Variants in CSNK1A1 observed in about 807,000 individuals in gnomAD.
CSNK1A1 encodes casein kinase I isoform alpha.
In CSNK1A1, 7 loss-of-function variants were observed where a neutral mutation model predicts 46.1. That is an observed-to-expected ratio of 0.15 (90% CI 0.09 to 0.29). CSNK1A1 has a LOEUF of 0.29. Among genes scored for constraint, CSNK1A1 ranks in the 10% least tolerant of loss-of-function variants. The pLI, the probability that CSNK1A1 is intolerant of heterozygous loss-of-function variation, is 1.00. For missense variants in CSNK1A1, 96 were observed against 417.1 expected (o/e 0.23, Z 6.71); for synonymous variants, 137 against 141.5 (o/e 0.97, Z 0.23).
At chr5:149,504,280 T>C in intron 9 of CSNK1A1, 1 of 983,516 alleles carries the variant, frequency 1.0e-6, no homozygotes, top group Non-Finnish European at 1.2e-6. Flanking sequence ...TCCTAACAGA[T>C]GAGCTGCTGG....
At position 149,551,132 on chromosome 5, in the gene CSNK1A1, A is replaced by C; in HGVS notation, c.-168T>G. On this transcript the variant is annotated 5_prime_UTR_variant, in exon 1 of 10. Transcript: ENST00000377843. ...CCCAGAATCAGCAGAGGGGAACCTG[A>C]TCACCGCCGCTCAGTCAGGTTTCTT... 1.6e-6 allele frequency: 1 copy of C among 613,830 alleles called. No homozygotes were observed. The highest frequency in any genetic ancestry group is 2.8e-6 in the Non-Finnish European group (1 of 361,016). 38.0% of individuals were successfully genotyped at this position (613,830 alleles called of 1,614,324 possible).
intron 4 of CSNK1A1, among the ~76,000 whole-genome samples, chr5:149,518,805 G>C (rs968128534): frequency 1.3e-5 from 2 of 151,860 alleles, no homozygotes; most frequent in South Asian, 2.1e-4. Context: ...TTGTGGGGGA[G>C]GGGGGGAAGG....
intron 2 of CSNK1A1, among the ~76,000 whole-genome samples, chr5:149,549,789 C>G (rs939715956): frequency 6.6e-6 from 1 of 152,174 alleles, no homozygotes; most frequent in Non-Finnish European, 1.5e-5. Flanking sequence ...CCAACCCTTC[C>G]GCGTAGGGAT....
rs1761443013 is a variant in CSNK1A1 at position 149,517,681 on chromosome 5, C to G, written c.456+2609G>C. ...AATGCCAACGTAAGAGGTGCTTGAG[C>G]AAGATCTACATTCTCCAGAATTAAA... On this transcript the variant is annotated intron_variant, in intron 4 of 9. Coordinates refer to ENST00000377843, the MANE Select transcript of CSNK1A1 (RefSeq NM_001892.6). This position sits in a 1 kb window ranked among gnomAD's most constrained non-coding sequence, Gnocchi z 4.4. 3.0e-6 allele frequency: 2 copies of G among 671,560 alleles called. No homozygotes were observed. The highest frequency in any genetic ancestry group is 5.2e-6 in the Non-Finnish European group (2 of 386,822). 41.6% of individuals were successfully genotyped at this position (671,560 alleles called of 1,614,324 possible). A position where few individuals can be genotyped will look rare whatever the true frequency, so the allele number is the denominator to read the frequency against.
chr5:149,500,313 A>G (rs1240299405), intron 9 of CSNK1A1, among the ~76,000 whole-genome samples: 1 of 151,482 alleles, frequency 6.6e-6, no homozygotes, highest in Admixed American at 6.6e-5. Context: ...AATTTTTTGT[A>G]TTTTTAGTAC....
At position 149,550,770 on chromosome 5, in the gene CSNK1A1, G is replaced by C. The variant is rs190223647; in HGVS notation, c.123+72C>G. On this transcript the variant is annotated intron_variant, in intron 1 of 9. Coordinates refer to ENST00000377843, the MANE Select transcript of CSNK1A1 (RefSeq NM_001892.6). This position sits in a 1 kb window ranked among gnomAD's most constrained non-coding sequence, Gnocchi z 4.3. ...GATGAGGAGAGGCCCGAGCACTTTG[G>C]GGGTGCACGGTGGTGGTGGGGGGAA... 2.8e-4 allele frequency: 445 copies of C among 1,602,334 alleles called. 1 individual carries two copies. Among genetic ancestry groups the C allele is most frequent in the Middle Eastern group, 1.3e-3 (8 of 6,000 alleles).
intron 2 of CSNK1A1, among the ~76,000 whole-genome samples, chr5:149,544,762 T>TACACATAC (rs1175762738): frequency 7.1e-6 from 1 of 140,566 alleles, no homozygotes; most frequent in African/African-American, 2.7e-5. Context: ...TATATATATA[T>TACACATAC]ATAGTTATTG....
At position 149,513,183 on chromosome 5, in the gene CSNK1A1, G is replaced by A. The variant is rs1472114141; in HGVS notation, c.483C>T (p.Ala161=). 6.2e-7 allele frequency: 1 copy of A among 1,613,382 alleles called. No individual in the cohort carries two copies. The highest frequency in any genetic ancestry group is 1.7e-5 in the Admixed American group (1 of 59,900). Residue 161 remains alanine, a synonymous_variant, in exon 5 of 10, where the codon GCC becomes GCT. Coordinates refer to ENST00000377843, the MANE Select transcript of CSNK1A1 (RefSeq NM_001892.6). ...NKLFLIDFGL[A]KKYRDNRTRQ... ...TTGTCCTGTTGTCTCTGTACTTTTT[G>A]GCCAAACCAAAATCAATAAGGAATA...
intron 2 of CSNK1A1, among the ~76,000 whole-genome samples, chr5:149,536,326 A>G (rs1762062203): frequency 6.6e-6 from 1 of 152,190 alleles, no homozygotes; most frequent in South Asian, 2.1e-4. Context: ...TTCTGTATGA[A>G]GATACTAAGA....
chr5:149,501,116 T>C (rs1455156542), intron 9 of CSNK1A1: 1 of 985,334 alleles, frequency 1.0e-6, no homozygotes, highest in East Asian at 1.1e-4. Context: ...ACAGTTGTGC[T>C]ATCATCCAGA....
At chr5:149,526,721 T>A (rs1761734993) in intron 2 of CSNK1A1, among the ~76,000 whole-genome samples, 1 of 152,184 alleles carries the variant, frequency 6.6e-6, no homozygotes, top group African/African-American at 2.4e-5. Flanking sequence ...TGGGCACCCA[T>A]TAACCCTTGA....
In CSNK1A1 at chr5:149,515,708, T is replaced by C. The variant is rs1472605701; in HGVS notation, c.457-2499A>G. Reference sequence around the variant, plus strand: ...CAAGCTTCTTTAGTAGCTCTCTCTGTATGCTTTGCTGTTTAAAACTAATAA... The same window carrying C: ...CAAGCTTCTTTAGTAGCTCTCTCTGCATGCTTTGCTGTTTAAAACTAATAA... On this transcript the variant is annotated intron_variant, in intron 4 of 9. Transcript: ENST00000377843. Among the ~76,000 whole-genome samples the C allele has an allele frequency of 1.3e-5, 2 of 152,216 alleles. 1 individual carries two copies. The highest frequency in any genetic ancestry group is 4.8e-5 in the African/African-American group (2 of 41,456).
intron 9 of CSNK1A1, chr5:149,503,357 G>C: frequency 1.0e-6 from 1 of 985,370 alleles, no homozygotes; most frequent in Non-Finnish European, 1.2e-6. Context: ...TATTAAAAAA[G>C]AAAAACAGAT....
chr5:149,497,138 G>T, intron 9 of CSNK1A1: 2 of 1,165,972 alleles, frequency 1.7e-6, no homozygotes, highest in Non-Finnish European at 1.1e-6. Flanking sequence ...ATTCAAATGA[G>T]CATGTTTCTG....
In CSNK1A1 at chr5:149,504,623, C is replaced by T. The variant is rs963815260; in HGVS notation, c.1006+824G>A. The T allele has an allele frequency of 4.1e-6, 4 of 985,158 alleles. No homozygotes were observed. In the African/African-American group the frequency reaches 7.0e-5, roughly 17 times the overall value. The allele number at this position is 985,158 out of a possible 1,614,324, so 61.0% of individuals were successfully genotyped here. A position where few individuals can be genotyped will look rare whatever the true frequency, so the allele number is the denominator to read the frequency against. Reference sequence around the variant, plus strand: ...TACTCCTTACAGGCAGTAAGAGTGCCAAAGAAAAGTAGAAAGGAAATAAGA... The same window carrying T: ...TACTCCTTACAGGCAGTAAGAGTGCTAAAGAAAAGTAGAAAGGAAATAAGA... On this transcript the variant is annotated intron_variant, in intron 9 of 9. Transcript: ENST00000377843.
In CSNK1A1 at chr5:149,529,858, T is replaced by C. The variant is rs1228980472; in HGVS notation, c.231-4687A>G. 1.5e-5 allele frequency: 6 copies of C among 395,504 alleles called. No homozygotes were observed. The East Asian group carries it at 4.8e-4, about 32-fold the overall frequency. 24.5% of individuals were successfully genotyped at this position (395,504 alleles called of 1,614,324 possible). On this transcript the variant is annotated intron_variant, in intron 2 of 9. Transcript: ENST00000377843. ...GAATGACAATGACATGGTTACCAAT[T>C]AGGAAGTGTTATACTATAGCCGGAG...
chr5:149,551,001 G>A lies in CSNK1A1; in HGVS notation c.-37C>T. 3 of 1,612,444 alleles carry A rather than the reference G, an allele frequency of 1.9e-6. No homozygotes were observed. Among genetic ancestry groups the A allele is most frequent in the East Asian group, 2.2e-5 (1 of 44,844 alleles). The stretch of plus-strand genomic sequence containing the variant: ...AAGATGGAGGCTGGGGCCAAGCCCC[G>A]ACACCTCTGGGAAGAGGACGGAGGC... On this transcript the variant is annotated 5_prime_UTR_variant, in exon 1 of 10. Transcript: ENST00000377843.
Position 149,527,926 on chromosome 5 carries a change from A to G in CSNK1A1, c.231-2755T>C, listed in dbSNP as rs547661252. On this transcript the variant is annotated intron_variant, in intron 2 of 9. Transcript: ENST00000377843. ...AGACAGGTTTCCACTGATGGCTCAG[A>G]TGTAAAACTACAAAAAACAAGCAAA... is the stretch of plus-strand genomic sequence containing the variant. Among the ~76,000 whole-genome samples the G allele has an allele frequency of 4.0e-3, 605 of 152,352 alleles. 5 individuals carry two copies. The highest frequency in any genetic ancestry group is 0.014 in the African/African-American group (586 of 41,588).
At chr5:149,509,201 T>C (rs975730013) in intron 7 of CSNK1A1, among the ~76,000 whole-genome samples, 4 of 150,084 alleles carry the variant, frequency 2.7e-5, no homozygotes, top group Non-Finnish European at 5.9e-5. Context: ...GCTCCTCAAC[T>C]GTGAGCCACT....
Sources: allele counts gnomAD v4.1 joint callset (sites outside exome capture counted in the v4.1 genomes callset), GRCh38; gene constraint gnomAD v4.1.1; non-coding constraint Gnocchi (gnomAD v3.1); transcripts MANE v1.5; gene names NCBI Gene and HGNC (gene_info 2026-07-23, HGNC 2026-07-21).